The following MED13 variants were observed in gnomAD, a reference collection of about 807,000 sequenced individuals.
MED13 encodes mediator of RNA polymerase II transcription subunit 13.
In MED13, 23 loss-of-function variants were observed where a neutral mutation model predicts 225.2. The ratio of observed to expected loss-of-function variants is 0.10; its 90% CI spans 0.07 to 0.14. MED13 has a LOEUF of 0.14. Ranked by LOEUF, MED13 falls within the 10% of genes least tolerant of loss-of-function variation. The pLI is 1.00. For missense variants in MED13, 2,197 were observed against 2,594.5 expected (o/e 0.85, Z 3.33); for synonymous variants, 942 against 889.2 (o/e 1.06, Z -1.06).
chr17:62,046,896 C>G (rs2080902399), intron 3 of MED13, among the ~76,000 whole-genome samples: 1 of 151,438 alleles, frequency 6.6e-6, no homozygotes, highest in Non-Finnish European at 1.5e-5. Context: ...TGCTCTGTTG[C>G]CCAGGCTGGA....
chr17:62,019,266 C>T (rs2080613837), intron 8 of MED13, among the ~76,000 whole-genome samples: 1 of 152,144 alleles, frequency 6.6e-6, no homozygotes, highest in African/African-American at 2.4e-5. Context: ...AAAACAATGC[C>T]ACTCAATTAG....
chr17:61,983,706 A>G (rs1420654038), intron 15 of MED13, among the ~76,000 whole-genome samples: 1 of 151,850 alleles, frequency 6.6e-6, no homozygotes, highest in Non-Finnish European at 1.5e-5. Context: ...TAAGTTTCCT[A>G]ATAGTTTATC....
rs201171113 is a variant in MED13 at position 61,978,769 on chromosome 17, CT to C, written c.3805+3428del. Among the ~76,000 whole-genome samples the C allele has an allele frequency of 5.3e-4, 81 of 151,956 alleles. 2 individuals carry two copies. The East Asian group carries it at 0.014, about 26-fold the overall frequency. Reference sequence around the variant, plus strand: ...TCTATATGGCTTAAAATAATCTTTCCTTTTTTTTGAATACCTATGATATTTA... The same window carrying C: ...TCTATATGGCTTAAAATAATCTTTCCTTTTTTTGAATACCTATGATATTTA... On this transcript the variant is annotated intron_variant, in intron 16 of 29. Coordinates refer to ENST00000397786, the MANE Select transcript of MED13 (RefSeq NM_005121.3).
chr17:62,003,415 G>C (rs2080414388), intron 9 of MED13, among the ~76,000 whole-genome samples: 1 of 151,992 alleles, frequency 6.6e-6, no homozygotes, highest in Non-Finnish European at 1.5e-5. Context: ...AGACCAGCCT[G>C]ACCAACATGG....
At chr17:62,012,164 C>T (rs796149680) in intron 8 of MED13, among the ~76,000 whole-genome samples, 7 of 151,204 alleles carry the variant, frequency 4.6e-5, no homozygotes, top group East Asian at 2.0e-4. Flanking sequence ...TGCAGTGAGC[C>T]GAGATCACGC....
At position 61,996,449 on chromosome 17, in the gene MED13, C is replaced by A. The variant is rs576699950; in HGVS notation, c.1968-1084G>T. On this transcript the variant is annotated intron_variant, in intron 9 of 29. Coordinates refer to ENST00000397786, the MANE Select transcript of MED13 (RefSeq NM_005121.3). ...AAAAAAACCAAAGTCCTTATACCAT[C>A]CTATGAAAACTTCCCATCATCTTGT... 7.2e-5 allele frequency among the ~76,000 whole-genome samples: 11 copies of A among 152,310 alleles called. No homozygotes were observed. In the East Asian group the frequency reaches 2.1e-3, roughly 29 times the overall value.
rs2080014301 is a variant in MED13, at chr17:61,962,844, A to C, written c.4972T>G (p.Ser1658Ala). ...AGCCCCAATGTCCACACACTAGAAG[A>C]GTTAGTGCTCTCGTCTGTATTTTCG... ...TYENTDESTN[S>A]SSVWTLGLLR... Residue 1658 changes from serine to alanine, a missense_variant, in exon 21 of 30, where the codon TCT becomes GCT. Ser to Ala is a moderately conservative substitution (Grantham distance 99). Transcript: ENST00000397786. 1 of 1,614,154 alleles carries C rather than the reference A, an allele frequency of 6.2e-7. No individual in the cohort carries two copies. Among genetic ancestry groups the C allele is most frequent in the East Asian group, 2.2e-5 (1 of 44,874 alleles).
chr17:62,005,924 A>C (rs1010025205), intron 9 of MED13: 1 of 152,198 alleles, frequency 6.6e-6, no homozygotes, highest in East Asian at 1.9e-4. Flanking sequence ...GGCATAGTGC[A>C]CAGCAGCCCG....
At chr17:62,060,029 C>T (rs1435575802) in intron 2 of MED13, among the ~76,000 whole-genome samples, 1 of 152,114 alleles carries the variant, frequency 6.6e-6, no homozygotes, top group African/African-American at 2.4e-5. Flanking sequence ...CAGTGACTCA[C>T]GCCTGTAATC....
chr17:62,049,239 AGAG>A (rs1646898511), intron 3 of MED13, among the ~76,000 whole-genome samples: 3 of 152,176 alleles, frequency 2.0e-5, no homozygotes, highest in Non-Finnish European at 2.9e-5. Flanking sequence ...TTAATTAACA[AGAG>A]GAGAAAAAAA....
In MED13 at chr17:61,961,125, T is replaced by C. The variant is rs773679535; in HGVS notation, c.5257-35A>G. ...AAAAAATTAAGGTATTATCATACTA[T>C]ACAATCTTAGAGAAATATTGCATTT... On this transcript the variant is annotated intron_variant, in intron 22 of 29. Transcript: ENST00000397786. 4 of 1,451,828 alleles carry C rather than the reference T, an allele frequency of 2.8e-6. No individual in the cohort carries two copies. The African/African-American group carries it at 5.7e-5, about 21-fold the overall frequency. The allele number at this position is 1,451,828 out of a possible 1,614,324, so 89.9% of individuals were successfully genotyped here.
At position 62,035,620 on chromosome 17, in the gene MED13, G is replaced by C; in HGVS notation, c.471-12C>G. The C allele has an allele frequency of 6.3e-7, 1 of 1,596,860 alleles. No individual in the cohort carries two copies. The highest frequency in any genetic ancestry group is 2.2e-5 in the East Asian group (1 of 44,588). ...AGGACAAGTGTTCACTAAAAAAGAA[G>C]AAAAAGTTTTATCTTAGTGATGACT... On this transcript the variant is annotated splice_polypyrimidine_tract_variant and intron_variant, in intron 3 of 29. Coordinates refer to ENST00000397786, the MANE Select transcript of MED13 (RefSeq NM_005121.3).
At chr17:61,991,145 G>C (rs1211565905) in intron 11 of MED13, among the ~76,000 whole-genome samples, 1 of 152,072 alleles carries the variant, frequency 6.6e-6, no homozygotes, top group Non-Finnish European at 1.5e-5. Flanking sequence ...TTGAGACAGA[G>C]TCTCGCTCTG....
intron 17 of MED13, among the ~76,000 whole-genome samples, chr17:61,969,137 C>T (rs2080084736): frequency 6.6e-6 from 1 of 152,146 alleles, no homozygotes; most frequent in Non-Finnish European, 1.5e-5. Context: ...GGGCAGATCA[C>T]CTGAGGCTGG....
chr17:62,003,288 C>G (rs2080413224), intron 9 of MED13, among the ~76,000 whole-genome samples: 1 of 152,074 alleles, frequency 6.6e-6, no homozygotes, highest in African/African-American at 2.4e-5. Context: ...TATTATCATA[C>G]TACAAAAACA....
rs60236710 is a variant in MED13, at chr17:62,008,016, C to CAAAAAAAAAAAAA, written c.1967+2521_1967+2533dup. On this transcript the variant is annotated intron_variant, in intron 9 of 29. Transcript: ENST00000397786. The stretch of plus-strand genomic sequence containing the variant: ...CCTGGAGGAAAGAGCGAGACTGTCT[C>CAAAAAAAAAAAAA]AAAAAAAAAAAAAAAAAAAAGCTGT... Among the ~76,000 whole-genome samples the CAAAAAAAAAAAAA allele has an allele frequency of 5.0e-3, 254 of 50,478 alleles. 17 individuals carry two copies. The highest frequency in any genetic ancestry group is 0.014 in the African/African-American group (212 of 14,676). 33.1% of individuals were successfully genotyped at this position (50,478 alleles called of 152,430 possible). A position where few individuals can be genotyped will look rare whatever the true frequency, so the allele number is the denominator to read the frequency against.
At position 61,942,723 on chromosome 17, in the gene MED13, A is replaced by G. The variant is rs1308669017; in HGVS notation, c.*3745T>C. 6.6e-6 allele frequency: 1 copy of G among 151,768 alleles called. No homozygotes were observed. Among genetic ancestry groups the G allele is most frequent in the Non-Finnish European group, 1.5e-5 (1 of 67,886 alleles). 9.4% of individuals were successfully genotyped at this position (151,768 alleles called of 1,614,324 possible). On this transcript the variant is annotated 3_prime_UTR_variant, in exon 30 of 30. Coordinates refer to ENST00000397786, the MANE Select transcript of MED13 (RefSeq NM_005121.3). The stretch of plus-strand genomic sequence containing the variant: ...ATCACAATTTGTACAACTCAGTGTT[A>G]TGGCATTCGGCAGCAATAGTGTTTG...
chr17:62,012,411 C>T (rs2143595981), intron 8 of MED13, among the ~76,000 whole-genome samples: 1 of 149,334 alleles, frequency 6.7e-6, no homozygotes, highest in South Asian at 2.1e-4. Flanking sequence ...CTCACCGCAA[C>T]CTCCACCTCC....
chr17:62,033,516 T>A (rs1173986081), intron 5 of MED13, among the ~76,000 whole-genome samples: 2 of 152,198 alleles, frequency 1.3e-5, no homozygotes, highest in Non-Finnish European at 2.9e-5. Context: ...ACTTACATGG[T>A]TAGGTTCAGT....
Sources: gnomAD v4.1 joint callset for allele counts (sites outside exome capture counted in the v4.1 genomes callset) on GRCh38, gnomAD v4.1.1 for gene constraint, MANE v1.5 for transcripts, NCBI Gene and HGNC (gene_info 2026-07-23, HGNC 2026-07-21) for gene names.